ADPRH: variants seen among roughly 807,000 people sequenced by gnomAD.
ADPRH encodes ADP-ribosylarginine hydrolase.
Under a neutral mutation model 28.8 loss-of-function variants are expected in ADPRH, and 27 were observed. The ratio of observed to expected loss-of-function variants is 0.94; its 90% CI spans 0.69 to 1.29. The LOEUF is 1.29. Ranked by LOEUF, ADPRH falls within the 50% of genes most tolerant of loss-of-function variation. The probability of loss-of-function intolerance (pLI) is 0.00; values close to 1 mark genes in which losing one functional copy is unlikely to be tolerated. For missense variants in ADPRH, 419 were observed against 444.8 expected, an observed-to-expected ratio of 0.94 and a Z score of 0.52; for synonymous variants, 161 against 166.9, an observed-to-expected ratio of 0.96 and a Z score of 0.27.
At chr3:119,580,194 GA>G (rs2107757709) in intron 1 of ADPRH, 1 of 152,398 alleles carries the variant, frequency 6.6e-6, no homozygotes, top group South Asian at 2.1e-4. Flanking sequence ...GGTGGAGCCA[GA>G]AGGAATTACG....
intron 1 of ADPRH, chr3:119,580,317 G>C (rs1262549502): frequency 6.6e-6 from 1 of 152,176 alleles, no homozygotes; most frequent in African/African-American, 2.4e-5. Flanking sequence ...GCGCAGGACG[G>C]AACTTCCGAG....
chr3:119,587,893 C>A lies in ADPRH; in HGVS notation c.*15C>A. 1.3e-6 allele frequency: 2 copies of A among 1,559,664 alleles called. No individual in the cohort carries two copies. The highest frequency in any genetic ancestry group is 2.4e-5 in the South Asian group (2 of 82,244). The stretch of plus-strand genomic sequence containing the variant: ...TTTCCCTTTAGGGAGACGTGATGTT[C>A]ACTTCTGATGGATTCTTCTTTTGTG... On this transcript the variant is annotated 3_prime_UTR_variant, in exon 5 of 5. Coordinates refer to ENST00000357003, the MANE Select transcript of ADPRH (RefSeq NM_001125.4).
At chr3:119,586,669 G>C (rs1016798439) in intron 4 of ADPRH, 24 bp downstream of exon 4, 5 of 1,606,634 alleles carry the variant, frequency 3.1e-6, no homozygotes, top group Non-Finnish European at 2.5e-6. Context: ...CGCACGCCCT[G>C]CTCAAACACG....
intron 3 of ADPRH, among the ~76,000 whole-genome samples, chr3:119,584,980 T>C (rs563629503): frequency 6.6e-6 from 1 of 152,298 alleles, no homozygotes; most frequent in South Asian, 2.1e-4. Flanking sequence ...GGGCCTACCC[T>C]AAAGGCCACA....
At chr3:119,579,991 T>C (rs1413741809) in intron 1 of ADPRH, 140 bp downstream of exon 1, 1 of 152,286 alleles carries the variant, frequency 6.6e-6, no homozygotes, top group African/African-American at 2.4e-5. Flanking sequence ...AAGCCGGGCA[T>C]GGCCCGGAAG....
chr3:119,586,489 G>T lies in ADPRH; in HGVS notation c.503G>T (p.Gly168Val). 1 of 1,614,230 alleles carries T rather than the reference G, an allele frequency of 6.2e-7. No homozygotes were observed. Among genetic ancestry groups the T allele is most frequent in the Non-Finnish European group, 8.5e-7 (1 of 1,180,044 alleles). Residue 168 changes from glycine (G) to valine (V), a missense_variant, in exon 4 of 5, where the codon GGC becomes GTC. Transcript: ENST00000357003. ...SGRMTHHHPT[G>V]YLGALASALF... ...CGGATGACCCACCACCACCCAACAG[G>T]CTACCTGGGGGCCCTTGCGTCTGCT...
intron 3 of ADPRH, among the ~76,000 whole-genome samples, chr3:119,585,710 C>T (rs547796490): frequency 3.9e-5 from 6 of 152,262 alleles, no homozygotes; most frequent in South Asian, 2.1e-4. Flanking sequence ...TCACCACGCC[C>T]GGCTAGTTTT....
Position 119,587,785 on chromosome 3 carries a change from C to T in ADPRH, c.981C>T (p.Asn327=). ...GTTTTAAAGGAGTGAGTCCCTCCAA[C>T]TATGAGAAACTAGAATACAGAAACC... ...MYGFKGVSPS[N]YEKLEYRNRL... is the part of the protein sequence containing the mutation. Residue 327 remains asparagine (N), a synonymous_variant, in exon 5 of 5, where the codon AAC becomes AAT. Transcript: ENST00000357003. The T allele has an allele frequency of 6.2e-7, 1 of 1,614,132 alleles. No homozygotes were observed. The highest frequency in any genetic ancestry group is 1.1e-5 in the South Asian group (1 of 91,060).
At chr3:119,587,379 C>T in intron 4 of ADPRH, 85 bp from the exon 5 acceptor site, 1 of 1,124,324 alleles carries the variant, frequency 8.9e-7, no homozygotes, top group East Asian at 2.6e-5. Flanking sequence ...GGATTTTTCT[C>T]TGTTCACACA....
chr3:119,583,762 G>C (rs1289909515), intron 3 of ADPRH, among the ~76,000 whole-genome samples: 4 of 151,756 alleles, frequency 2.6e-5, no homozygotes, highest in Non-Finnish European at 5.9e-5. Context: ...AAATTTTTTT[G>C]AGTGGCCAGT....
chr3:119,580,346 TC>T (rs1371306486), intron 1 of ADPRH: 2 of 152,246 alleles, frequency 1.3e-5, no homozygotes, highest in Middle Eastern at 3.4e-3. Context: ...CCTCCCCACT[TC>T]CCCCTCCAGT....
rs1401421152 is a variant in ADPRH, at chr3:119,579,804, G to C, written c.-170G>C. On this transcript the variant is annotated 5_prime_UTR_variant, in exon 1 of 5. Transcript: ENST00000357003. ...CAAGGCCTCTTCCCCGGCCCCGGGA[G>C]CCCGCGCCACGCCCGTCGCTCGCGC... 6.5e-6 allele frequency: 1 copy of C among 153,158 alleles called. No homozygotes were observed. Among genetic ancestry groups the C allele is most frequent in the African/African-American group, 2.4e-5 (1 of 41,488 alleles). The allele number at this position is 153,158 out of a possible 1,614,324, so 9.5% of individuals were successfully genotyped here.
chr3:119,587,707 A>G lies in ADPRH; in HGVS notation c.903A>G (p.Gly301=). 3.1e-6 allele frequency: 5 copies of G among 1,614,152 alleles called. No homozygotes were observed. The South Asian group carries it at 5.5e-5, about 18-fold the overall frequency. ...ELAHRAFFHG[G]DSDSTAAIAG... Reference sequence around the variant, plus strand: ...CCCACCGAGCCTTTTTCCATGGTGGAGACAGTGATTCTACAGCTGCCATTG... The same window carrying G: ...CCCACCGAGCCTTTTTCCATGGTGGGGACAGTGATTCTACAGCTGCCATTG... Residue 301 remains glycine, a synonymous_variant, in exon 5 of 5, where the codon GGA becomes GGG. Coordinates refer to ENST00000357003, the MANE Select transcript of ADPRH (RefSeq NM_001125.4).
chr3:119,587,742 G>A lies in ADPRH; in HGVS notation c.938G>A (p.Trp313Ter). The A allele has an allele frequency of 6.2e-7, 1 of 1,614,176 alleles. No individual in the cohort carries two copies. The highest frequency in any genetic ancestry group is 8.5e-7 in the Non-Finnish European group (1 of 1,180,042). ...SDSTAAIAGCWWGVMYGFKGV... is the reference protein window; with the variant it reads ...SDSTAAIAGC ...TCTACAGCTGCCATTGCTGGCTGCT[G>A]GTGGGGAGTTATGTATGGTTTTAAA... The change falls in exon 5 of 5, where the codon TGG becomes TAG. Residue 313 changes from tryptophan (W) to a stop codon, truncating the protein, a stop_gained. Transcript: ENST00000357003. LOFTEE classifies it high-confidence loss of function.
chr3:119,586,736 C>G, intron 4 of ADPRH, 91 bp downstream of exon 4: 1 of 1,527,386 alleles, frequency 6.5e-7, no homozygotes, highest in Non-Finnish European at 8.8e-7. Context: ...TCAGAGATCA[C>G]AGCAACCCTC....
intron 1 of ADPRH, chr3:119,580,341 C>T (rs2082394783): frequency 6.6e-6 from 1 of 152,266 alleles, no homozygotes; most frequent in South Asian, 2.1e-4. Flanking sequence ...CTATACCTCC[C>T]CACTTCCCCC....
At position 119,587,460 on chromosome 3, in the gene ADPRH, A is replaced by G. The variant is rs1297605839; in HGVS notation, c.660-4A>G. ...ATTGACTCTAGATTTTTTCCTTTCTACAGGTCCTACTTCCAAACCAAATGG... is the reference window on the plus strand; with the variant it reads ...ATTGACTCTAGATTTTTTCCTTTCTGCAGGTCCTACTTCCAAACCAAATGG... On this transcript the variant is annotated splice_region_variant and splice_polypyrimidine_tract_variant and intron_variant, in intron 4 of 4. Transcript: ENST00000357003. 1 of 1,514,598 alleles carries G rather than the reference A, an allele frequency of 6.6e-7. No individual in the cohort carries two copies. Among genetic ancestry groups the G allele is most frequent in the Non-Finnish European group, 8.8e-7 (1 of 1,131,852 alleles). 93.8% of individuals were successfully genotyped at this position (1,514,598 alleles called of 1,614,324 possible). A position where few individuals can be genotyped will look rare whatever the true frequency, so the allele number is the denominator to read the frequency against.
At position 119,588,153 on chromosome 3, in the gene ADPRH, T is replaced by C. The variant is rs2082483139; in HGVS notation, c.*275T>C. On this transcript the variant is annotated 3_prime_UTR_variant, in exon 5 of 5. Coordinates refer to ENST00000357003, the MANE Select transcript of ADPRH (RefSeq NM_001125.4). ...CATGACCTCATATTTGAGTCTTCAT[T>C]TTCATCATCTACTTGTTCTAAAAGT... 1 of 296,930 alleles carries C rather than the reference T, an allele frequency of 3.4e-6. No homozygotes were observed. The allele number at this position is 296,930 out of a possible 1,614,324, so 18.4% of individuals were successfully genotyped here.
Position 119,586,632 on chromosome 3 carries a change from A to C in ADPRH, c.646A>C (p.Asn216His). The C allele has an allele frequency of 1.2e-6, 2 of 1,613,698 alleles. No individual in the cohort carries two copies. Among genetic ancestry groups the C allele is most frequent in the Non-Finnish European group, 1.7e-6 (2 of 1,179,936 alleles). ...CCAATCAGGCTACTTTGTAGAGGAAAATCTTCAACACTGGTGAGTCTGTAA... is the reference window on the plus strand; with the variant it reads ...CCAATCAGGCTACTTTGTAGAGGAACATCTTCAACACTGGTGAGTCTGTAA... ...IVQSGYFVEE[N>H]LQHWSYFQTK... is the part of the protein sequence containing the mutation. The change falls in exon 4 of 5, where the codon AAT becomes CAT. Residue 216 changes from asparagine (N) to histidine (H), a missense_variant. Asn to His is a moderately conservative substitution (Grantham distance 68, BLOSUM62 1). Transcript: ENST00000357003.
Sources: gnomAD v4.1 joint callset for allele counts (sites outside exome capture counted in the v4.1 genomes callset) on GRCh38, gnomAD v4.1.1 for gene constraint, MANE v1.5 for transcripts, NCBI Gene and HGNC (gene_info 2026-07-23, HGNC 2026-07-21) for gene names.